Variants in NHLRC3 observed in about 807,000 individuals in gnomAD.
NHLRC3 encodes the protein NHL repeat-containing protein 3.
NHLRC3 carries 23 observed loss-of-function variants against 32.0 expected under a neutral mutation model. The observed-to-expected ratio is 0.72, with a 90% confidence interval of 0.52 to 1.02. The LOEUF (loss-of-function observed/expected upper bound fraction) is 1.02, where lower values mean the gene tolerates loss of function less well. Among genes scored for constraint, NHLRC3 ranks in the 50% least tolerant of loss-of-function variants. The pLI is 0.00. For synonymous variants in NHLRC3, 159 were observed against 147.9 expected, an observed-to-expected ratio of 1.08 and a Z score of -0.55; for missense variants, 407 against 406.8, an observed-to-expected ratio of 1.00 and a Z score of -0.01.
At chr13:39,042,851 G>A (rs1015635741) in intron 4 of NHLRC3, among the ~76,000 whole-genome samples, 2 of 152,164 alleles carry the variant, frequency 1.3e-5, no homozygotes, top group African/African-American at 4.8e-5. Flanking sequence ...AACTAGTTTT[G>A]GTGGGAGGAG....
Position 39,038,556 on chromosome 13 carries a change from C to T in NHLRC3, c.-84C>T, listed in dbSNP as rs1350456017. 6.0e-6 allele frequency: 7 copies of T among 1,171,338 alleles called. No homozygotes were observed. Among genetic ancestry groups the T allele is most frequent in the African/African-American group, 4.5e-5 (3 of 66,134 alleles). 72.6% of individuals were successfully genotyped at this position (1,171,338 alleles called of 1,614,324 possible). A position where few individuals can be genotyped will look rare whatever the true frequency, so the allele number is the denominator to read the frequency against. ...CGGGCCCCGGGCAGACCCTCTGTGC[C>T]GCTGCAAACCGTTGCAGCCTGAGGC... On this transcript the variant is annotated 5_prime_UTR_variant, in exon 1 of 7. Transcript: ENST00000379600.
In NHLRC3 at chr13:39,047,030, T is replaced by C. The variant is rs919579969; in HGVS notation, c.679-10T>C. ...ATATTTTTCAATTGACATTTTTGTGTGTTTCTCAGGTGTGGGTTGCTGACC... is the reference window on the plus strand; with the variant it reads ...ATATTTTTCAATTGACATTTTTGTGCGTTTCTCAGGTGTGGGTTGCTGACC... On this transcript the variant is annotated splice_polypyrimidine_tract_variant and intron_variant, in intron 5 of 6. Transcript: ENST00000379600. The C allele has an allele frequency of 6.5e-7, 1 of 1,527,488 alleles. No homozygotes were observed. Among genetic ancestry groups the C allele is most frequent in the African/African-American group, 1.4e-5 (1 of 72,868 alleles). 94.6% of individuals were successfully genotyped at this position (1,527,488 alleles called of 1,614,324 possible).
intron 5 of NHLRC3, 150 bp from the exon 6 acceptor site, chr13:39,046,890 T>C: frequency 3.1e-6 from 2 of 641,296 alleles, no homozygotes; most frequent in Non-Finnish European, 5.5e-6. Context: ...TGAACTTTAG[T>C]TTTTCCTCAT....
rs140063420 is a variant in NHLRC3 at position 39,047,911 on chromosome 13, T to C, written c.1029T>C (p.Pro343=). The change falls in exon 7 of 7, where the codon CCT becomes CCC. Residue 343 remains proline (P), a synonymous_variant. Coordinates refer to ENST00000379600, the MANE Select transcript of NHLRC3 (RefSeq NM_001012754.4). ...ATGTCCCTTTGAATAGCTATGTTCC[T>C]TCATTTGGTTCATAATGTTTCTTTC... The part of the protein sequence containing the change: ...QKYVPLNSYV[P]SFGS The C allele has an allele frequency of 1.9e-4, 303 of 1,604,044 alleles. No individual in the cohort carries two copies. Among genetic ancestry groups the C allele is most frequent in the Non-Finnish European group, 2.5e-4 (297 of 1,172,008 alleles).
rs531141947 is a variant in NHLRC3, at chr13:39,039,505, G to A, written c.238-59G>A. On this transcript the variant is annotated intron_variant, in intron 2 of 6. Coordinates refer to ENST00000379600, the MANE Select transcript of NHLRC3 (RefSeq NM_001012754.4). ...CTCAGTTATTTTTTTTCTTCGCCAA[G>A]ATACAGATTACCTTTCCTTTAAGCT... 5.0e-5 allele frequency: 71 copies of A among 1,420,770 alleles called. 1 individual carries two copies. The East Asian group carries it at 1.4e-3, about 28-fold the overall frequency. 88.0% of individuals were successfully genotyped at this position (1,420,770 alleles called of 1,614,324 possible).
intron 1 of NHLRC3, 87 bp downstream of exon 1, chr13:39,038,810 G>C (rs1871319576): frequency 9.0e-7 from 1 of 1,106,310 alleles, no homozygotes; most frequent in Admixed American, 1.7e-5. Flanking sequence ...GGAGGTGGCA[G>C]GCCCTGGTTC....
rs1871288556 is a variant in NHLRC3 at position 39,038,463 on chromosome 13, C to T, written c.-177C>T. On this transcript the variant is annotated 5_prime_UTR_variant, in exon 1 of 7. Transcript: ENST00000379600. ...TGGTCTTCTGTGATTTTCATTCGCC[C>T]TGGTCTCTGTTCCCTTTCGTACTCA... 3.2e-6 allele frequency: 2 copies of T among 624,340 alleles called. No homozygotes were observed. The highest frequency in any genetic ancestry group is 5.8e-6 in the Non-Finnish European group (2 of 347,428). The allele number at this position is 624,340 out of a possible 1,614,324, so 38.7% of individuals were successfully genotyped here.
intron 2 of NHLRC3, 78 bp downstream of exon 2, chr13:39,039,366 A>G: frequency 3.3e-6 from 4 of 1,200,086 alleles, no homozygotes; most frequent in Non-Finnish European, 4.8e-6. Context: ...GTAACTGACC[A>G]TATGCGTTTA....
At chr13:39,042,381 T>A in intron 4 of NHLRC3, 76 bp downstream of exon 4, 1 of 953,100 alleles carries the variant, frequency 1.0e-6, no homozygotes, top group Non-Finnish European at 1.6e-6. Flanking sequence ...TATAATGTTT[T>A]AAGTGTTGTG....
chr13:39,039,848 A>T, intron 3 of NHLRC3, 137 bp downstream of exon 3: 1 of 654,288 alleles, frequency 1.5e-6, no homozygotes, highest in Non-Finnish European at 2.5e-6. Flanking sequence ...ACATGTTTTT[A>T]ACAAACTTTA....
At chr13:39,039,065 C>CCGG in intron 1 of NHLRC3, 71 bp from the exon 2 acceptor site, 1 of 696,684 alleles carries the variant, frequency 1.4e-6, no homozygotes, top group Non-Finnish European at 2.5e-6. Flanking sequence ...CCCTGTTACC[C>CCGG]GGCCCCCCCG....
In NHLRC3 at chr13:39,044,127, A is replaced by G. The variant is rs1031159809; in HGVS notation, c.624A>G (p.Thr208=). 2 of 1,613,914 alleles carry G rather than the reference A, an allele frequency of 1.2e-6. No individual in the cohort carries two copies. Among genetic ancestry groups the G allele is most frequent in the Non-Finnish European group, 1.7e-6 (2 of 1,179,798 alleles). The change falls in exon 5 of 7, where the codon ACA becomes ACG. Residue 208 remains threonine, a synonymous_variant. Coordinates refer to ENST00000379600, the MANE Select transcript of NHLRC3 (RefSeq NM_001012754.4). ...MILWLHGENG[T]GPAKFNIPHS... Reference sequence around the variant, plus strand: ...TTTGGCTGCATGGAGAAAATGGGACAGGGCCTGCTAAGTTCAACATACCTC... The same window carrying G: ...TTTGGCTGCATGGAGAAAATGGGACGGGGCCTGCTAAGTTCAACATACCTC...
chr13:39,047,828 G>T lies in NHLRC3; in HGVS notation c.946G>T (p.Asp316Tyr), dbSNP rs149175958. The change falls in exon 7 of 7, where the codon GAC (aspartate) becomes TAC (tyrosine). Residue 316 changes from aspartate to tyrosine, a missense_variant. Asp to Tyr is a radical substitution (Grantham distance 160). Transcript: ENST00000379600. ...DQVLPHLLEV[D>Y]RKTGAVYVAE... Reference sequence around the variant, plus strand: ...AGTTTTGCCACATCTCCTAGAAGTCGACAGAAAGACTGGAGCAGTCTATGT... The same window carrying T: ...AGTTTTGCCACATCTCCTAGAAGTCTACAGAAAGACTGGAGCAGTCTATGT... 5,204 of 1,614,020 alleles carry T rather than the reference G, an allele frequency of 3.2e-3. 13 individuals carry two copies. Among genetic ancestry groups the T allele is most frequent in the Non-Finnish European group, 4.1e-3 (4,800 of 1,179,960 alleles).
Position 39,039,750 on chromosome 13 carries a change from A to G in NHLRC3, c.385+39A>G, listed in dbSNP as rs745308824. On this transcript the variant is annotated intron_variant, in intron 3 of 6. Transcript: ENST00000379600. Reference sequence around the variant, plus strand: ...TATCTATTAAATTATCTTACTGGAAATCACATCTTTGCACATGTCCTTGTT... The same window carrying G: ...TATCTATTAAATTATCTTACTGGAAGTCACATCTTTGCACATGTCCTTGTT... 61 of 1,472,360 alleles carry G rather than the reference A, an allele frequency of 4.1e-5. No individual in the cohort carries two copies. In the Middle Eastern group the frequency reaches 7.0e-4, roughly 17 times the overall value. The allele number at this position is 1,472,360 out of a possible 1,614,324, so 91.2% of individuals were successfully genotyped here. A position where few individuals can be genotyped will look rare whatever the true frequency, so the allele number is the denominator to read the frequency against.
At chr13:39,045,923 C>T (rs1185501581) in intron 5 of NHLRC3, among the ~76,000 whole-genome samples, 2 of 152,112 alleles carry the variant, frequency 1.3e-5, no homozygotes, top group Admixed American at 6.5e-5. Context: ...TCTCTCAATC[C>T]ACAAACCCAA....
chr13:39,038,623 T>C lies in NHLRC3; in HGVS notation c.-17T>C, dbSNP rs1566031787. ...AGACACCTGCGGACCCTCCCTCTCC[T>C]GGCTTCCCGTCTGGTCATGGCGAGA... On this transcript the variant is annotated 5_prime_UTR_variant, in exon 1 of 7. Transcript: ENST00000379600. The C allele has an allele frequency of 3.7e-6, 6 of 1,612,530 alleles. No individual in the cohort carries two copies. The highest frequency in any genetic ancestry group is 5.1e-6 in the Non-Finnish European group (6 of 1,178,498).
chr13:39,046,102 G>C (rs1463873514), intron 5 of NHLRC3, among the ~76,000 whole-genome samples: 1 of 152,108 alleles, frequency 6.6e-6, no homozygotes, highest in African/African-American at 2.4e-5. Flanking sequence ...GGCCAAGGTG[G>C]GCAGATCACG....
In NHLRC3 at chr13:39,047,815, TCTC is replaced by T. The variant is rs912919032; in HGVS notation, c.936_938del (p.Leu313del). On this transcript the variant is annotated inframe_deletion, in exon 7 of 7. Coordinates refer to ENST00000379600, the MANE Select transcript of NHLRC3 (RefSeq NM_001012754.4). ...AACTAGCAGATCAAGTTTTGCCACA[TCTC>T]CTAGAAGTCGACAGAAAGACTGGAG... The T allele has an allele frequency of 1.2e-6, 2 of 1,613,968 alleles. No individual in the cohort carries two copies. Among genetic ancestry groups the T allele is most frequent in the Non-Finnish European group, 1.7e-6 (2 of 1,180,022 alleles).
chr13:39,039,446 G>C (rs1871364757), intron 2 of NHLRC3, 118 bp from the exon 3 acceptor site: 1 of 1,126,072 alleles, frequency 8.9e-7, no homozygotes, highest in South Asian at 1.5e-5. Flanking sequence ...TGAAAGATAT[G>C]TTAGATTTTG....
Sources: gnomAD v4.1 joint callset for allele counts (sites outside exome capture counted in the v4.1 genomes callset) on GRCh38, gnomAD v4.1.1 for gene constraint, MANE v1.5 for transcripts, NCBI Gene and HGNC (gene_info 2026-07-23, HGNC 2026-07-21) for gene names.